Variants in DENND1A observed in about 807,000 individuals in gnomAD.
DENND1A encodes the protein DENN domain-containing protein 1A.
A neutral mutation model predicts 113.7 loss-of-function variants in DENND1A; 51 were observed. That is an observed-to-expected ratio of 0.45 (90% CI 0.36 to 0.57). The LOEUF is 0.57. Among genes scored for constraint, DENND1A ranks in the 20% least tolerant of loss-of-function variants. The pLI is 0.00. For synonymous variants in DENND1A, 565 were observed against 570.8 expected, an observed-to-expected ratio of 0.99 and a Z score of 0.14; for missense variants, 1,258 against 1,395.9, an observed-to-expected ratio of 0.90 and a Z score of 1.57.
At chr9:123,694,992 T>C (rs1202424170) in intron 5 of DENND1A, among the ~76,000 whole-genome samples, 2 of 152,024 alleles carry the variant, frequency 1.3e-5, no homozygotes, top group African/African-American at 4.8e-5. Flanking sequence ...AAGCTGCCAG[T>C]GAATATAAAG....
chr9:123,631,242 T>C (rs2061462468), intron 9 of DENND1A, among the ~76,000 whole-genome samples: 1 of 152,200 alleles, frequency 6.6e-6, no homozygotes, highest in Non-Finnish European at 1.5e-5. Flanking sequence ...CACTACTCCT[T>C]GTAGTCAAGT....
rs531163378 is a variant in DENND1A, at chr9:123,846,466, G to A, written c.88+32485C>T. On this transcript the variant is annotated intron_variant, in intron 2 of 23. Coordinates refer to ENST00000394215, the MANE Select transcript of DENND1A (RefSeq NM_001352964.2). ...ATAACCAAATTGTCCATCAACAGAT[G>A]AATGGATAAACAACATGCAGTATAT... Among the ~76,000 whole-genome samples the A allele has an allele frequency of 3.3e-5, 5 of 152,308 alleles. No homozygotes were observed. In the South Asian group the frequency reaches 1.0e-3, roughly 32 times the overall value.
intron 13 of DENND1A, among the ~76,000 whole-genome samples, chr9:123,479,072 T>A (rs2050133812): frequency 6.6e-6 from 1 of 152,134 alleles, no homozygotes; most frequent in East Asian, 1.9e-4. Flanking sequence ...GGAGGTCACA[T>A]AAACAAGGAA....
rs1843141555 is a variant in DENND1A at position 123,850,246 on chromosome 9, A to G, written c.88+28705T>C. 3.3e-5 allele frequency among the ~76,000 whole-genome samples: 5 copies of G among 152,206 alleles called. No homozygotes were observed. The South Asian group carries it at 1.0e-3, about 32-fold the overall frequency. On this transcript the variant is annotated intron_variant, in intron 2 of 23. Coordinates refer to ENST00000394215, the MANE Select transcript of DENND1A (RefSeq NM_001352964.2). ...ATGCAGCAAACTTCATTGCTGTCTT[A>G]CTTTAAAAAATTGCCACAGCCATCC...
At chr9:123,536,760 A>C (rs1198630781) in intron 13 of DENND1A, among the ~76,000 whole-genome samples, 1 of 152,138 alleles carries the variant, frequency 6.6e-6, no homozygotes, top group Non-Finnish European at 1.5e-5. Context: ...CAGATACGAG[A>C]GAGAGAGAGG....
At chr9:123,804,831 T>G (rs1340763790) in intron 2 of DENND1A, among the ~76,000 whole-genome samples, 1 of 152,188 alleles carries the variant, frequency 6.6e-6, no homozygotes, top group East Asian at 1.9e-4. Context: ...TAACTACCAA[T>G]AGCTTCCTAA....
intron 12 of DENND1A, among the ~76,000 whole-genome samples, chr9:123,582,901 G>T (rs185649158): frequency 6.7e-6 from 1 of 150,340 alleles, no homozygotes; most frequent in Admixed American, 6.7e-5. Flanking sequence ...GTTTCACCAT[G>T]TTGCCCAGGC....
intron 5 of DENND1A, among the ~76,000 whole-genome samples, chr9:123,678,756 A>G (rs2064253028): frequency 6.6e-6 from 1 of 152,258 alleles, no homozygotes; most frequent in Non-Finnish European, 1.5e-5. Context: ...TGACAGTATT[A>G]TCACTTATGT....
chr9:123,544,228 TC>T (rs2056491346), intron 13 of DENND1A, among the ~76,000 whole-genome samples: 2 of 152,312 alleles, frequency 1.3e-5, no homozygotes, highest in East Asian at 1.9e-4. Flanking sequence ...GGGCTACACT[TC>T]CCAGCGTTTT....
intron 7 of DENND1A, among the ~76,000 whole-genome samples, chr9:123,669,594 C>T (rs1460675265): frequency 6.6e-6 from 1 of 152,218 alleles, no homozygotes; most frequent in Non-Finnish European, 1.5e-5. Context: ...GACCTTCCTC[C>T]CTAGCAGCTG....
chr9:123,718,532 T>G (rs2067129243), intron 5 of DENND1A, among the ~76,000 whole-genome samples: 1 of 152,218 alleles, frequency 6.6e-6, no homozygotes, highest in Non-Finnish European at 1.5e-5. Context: ...CTGACATCCT[T>G]TCCATACTCA....
chr9:123,851,749 G>A (rs1460007038), intron 2 of DENND1A, among the ~76,000 whole-genome samples: 1 of 152,224 alleles, frequency 6.6e-6, no homozygotes, highest in African/African-American at 2.4e-5. Flanking sequence ...GAGTTTTTAA[G>A]AGGCTCCTAC....
intron 13 of DENND1A, among the ~76,000 whole-genome samples, chr9:123,476,270 G>C (rs976337554): frequency 1.3e-5 from 2 of 152,108 alleles, no homozygotes; most frequent in African/African-American, 2.4e-5. Context: ...CCGTATATGA[G>C]AGATGATCTC....
chr9:123,438,048 A>G (rs1411882593), intron 19 of DENND1A, among the ~76,000 whole-genome samples: 1 of 152,212 alleles, frequency 6.6e-6, no homozygotes. Context: ...TCAAGTAAAG[A>G]AAATAGTATA....
At chr9:123,618,734 T>A (rs915785717) in intron 10 of DENND1A, among the ~76,000 whole-genome samples, 1 of 152,162 alleles carries the variant, frequency 6.6e-6, no homozygotes, top group African/African-American at 2.4e-5. Flanking sequence ...CCTTGTCTTC[T>A]TTAACCCTGA....
chr9:123,872,637 A>G (rs1211576127), intron 2 of DENND1A, among the ~76,000 whole-genome samples: 1 of 152,224 alleles, frequency 6.6e-6, no homozygotes, highest in Non-Finnish European at 1.5e-5. Context: ...AATTTTACAT[A>G]CTCAAGAACT....
intron 5 of DENND1A, among the ~76,000 whole-genome samples, chr9:123,694,987 G>C (rs2065418353): frequency 6.6e-6 from 1 of 152,144 alleles, no homozygotes; most frequent in Admixed American, 6.5e-5. Flanking sequence ...CTAATAAGCT[G>C]CCAGTGAATA....
chr9:123,756,718 G>A (rs2070584072), intron 5 of DENND1A, among the ~76,000 whole-genome samples: 1 of 152,212 alleles, frequency 6.6e-6, no homozygotes, highest in South Asian at 2.1e-4. Context: ...CTCCCCTGTG[G>A]TGTGAGGGTG....
chr9:123,472,006 A>C (rs2049465158), intron 13 of DENND1A, among the ~76,000 whole-genome samples: 1 of 152,222 alleles, frequency 6.6e-6, no homozygotes, highest in African/African-American at 2.4e-5. Context: ...CCCTGAGCTC[A>C]GTTGCCTCAG....
Sources: allele counts gnomAD v4.1 joint callset (sites outside exome capture counted in the v4.1 genomes callset), GRCh38; gene constraint gnomAD v4.1.1; transcripts MANE v1.5; gene names NCBI Gene and HGNC (gene_info 2026-07-23, HGNC 2026-07-21).